Variants in NT5C1B observed in about 807,000 individuals in gnomAD.
The protein encoded by NT5C1B is cytosolic 5'-nucleotidase 1B.
NT5C1B carries 44 observed loss-of-function variants against 57.8 expected under a neutral mutation model. That is an observed-to-expected ratio of 0.76 (90% CI 0.60 to 0.98). The LOEUF (loss-of-function observed/expected upper bound fraction) is 0.98. Ranked by LOEUF, NT5C1B falls within the 50% of genes least tolerant of loss-of-function variation. The probability of loss-of-function intolerance (pLI) is 0.00; values close to 1 mark genes in which losing one functional copy is unlikely to be tolerated. For missense variants in NT5C1B, 742 were observed against 719.5 expected, an observed-to-expected ratio of 1.03 and a Z score of -0.36; for synonymous variants, 284 against 282.6, an observed-to-expected ratio of 1.00 and a Z score of -0.05.
At chr2:18,572,249 G>C (rs1449158802) in intron 8 of NT5C1B, among the ~76,000 whole-genome samples, 1 of 152,046 alleles carries the variant, frequency 6.6e-6, no homozygotes, top group Non-Finnish European at 1.5e-5. Flanking sequence ...GGATAAGGAG[G>C]AAAAATGAAC....
chr2:18,571,728 A>ATATATATATATG (rs1665194034), intron 8 of NT5C1B, among the ~76,000 whole-genome samples: 5 of 22,080 alleles, frequency 2.3e-4, no homozygotes, highest in African/African-American at 1.1e-3. Context: ...GTATATATAT[A>ATATATATATATG]TATATATATA....
At chr2:18,586,665 G>A (rs1376458735) in intron 2 of NT5C1B, 4 of 582,196 alleles carry the variant, frequency 6.9e-6, no homozygotes, top group Non-Finnish European at 1.2e-5. Context: ...CTCCTCTTAT[G>A]TGGATATTAG....
intron 2 of NT5C1B, chr2:18,586,849 G>A: frequency 7.1e-7 from 1 of 1,417,008 alleles, no homozygotes. Flanking sequence ...AAGGAATGGA[G>A]CCCTCAAGCT....
intron 5 of NT5C1B, chr2:18,583,756 G>A: frequency 6.2e-6 from 3 of 484,800 alleles, no homozygotes; most frequent in South Asian, 4.9e-5. Flanking sequence ...CTGTAATATG[G>A]CGTTTTATTT....
At chr2:18,576,047 G>T in intron 8 of NT5C1B, 137 bp downstream of exon 8, 1 of 885,630 alleles carries the variant, frequency 1.1e-6, no homozygotes, top group Non-Finnish European at 1.6e-6. Context: ...AAGAGAGAAA[G>T]CTCCAAAGAT....
intron 8 of NT5C1B, among the ~76,000 whole-genome samples, chr2:18,567,902 A>G (rs1185085744): frequency 1.3e-5 from 2 of 152,196 alleles, no homozygotes; most frequent in East Asian, 1.9e-4. Flanking sequence ...TTTGGCAAAG[A>G]GATTGAAATG....
intron 6 of NT5C1B, among the ~76,000 whole-genome samples, chr2:18,579,123 G>C (rs1240434677): frequency 6.6e-6 from 1 of 151,550 alleles, no homozygotes; most frequent in Non-Finnish European, 1.5e-5. Context: ...AAAACACTGC[G>C]GAAAAAAAAT....
chr2:18,580,311 C>T (rs1483092571), intron 6 of NT5C1B, among the ~76,000 whole-genome samples: 1 of 152,132 alleles, frequency 6.6e-6, no homozygotes, highest in Non-Finnish European at 1.5e-5. Context: ...ATAAATTGTT[C>T]TACCATAAGA....
intron 8 of NT5C1B, among the ~76,000 whole-genome samples, chr2:18,571,130 G>A (rs1665113081): frequency 6.6e-6 from 1 of 152,162 alleles, no homozygotes. Context: ...TATGGCAAGG[G>A]TGTCCACCCT....
Position 18,587,597 on chromosome 2 carries a change from A to C in NT5C1B, c.31-5T>G. 1 of 1,607,718 alleles carries C rather than the reference A, an allele frequency of 6.2e-7. No homozygotes were observed. Among genetic ancestry groups the C allele is most frequent in the Non-Finnish European group, 8.5e-7 (1 of 1,178,962 alleles). On this transcript the variant is annotated splice_region_variant and splice_polypyrimidine_tract_variant and intron_variant, in intron 1 of 8. Transcript: ENST00000304081. ...GGACCTCATTCCAGGCTCATTCTTG[A>C]CAAGGAAACAAAGAATGTTTATTAA...
chr2:18,572,739 A>G (rs1665317716), intron 8 of NT5C1B, among the ~76,000 whole-genome samples: 1 of 152,214 alleles, frequency 6.6e-6, no homozygotes, highest in Non-Finnish European at 1.5e-5. Context: ...ACAATGAGAT[A>G]ATTTTTTTAT....
chr2:18,576,133 A>G, intron 8 of NT5C1B, 51 bp downstream of exon 8: 1 of 1,488,342 alleles, frequency 6.7e-7, no homozygotes, highest in East Asian at 2.5e-5. Context: ...ATATTTATAT[A>G]TTAGAAAATA....
At chr2:18,572,311 C>A (rs1665279271) in intron 8 of NT5C1B, among the ~76,000 whole-genome samples, 1 of 152,058 alleles carries the variant, frequency 6.6e-6, no homozygotes, top group Non-Finnish European at 1.5e-5. Flanking sequence ...AGATGATAAT[C>A]CTAAGTAAGA....
At chr2:18,582,319 T>C (rs1162414649) in intron 6 of NT5C1B, among the ~76,000 whole-genome samples, 2 of 152,222 alleles carry the variant, frequency 1.3e-5, no homozygotes, top group African/African-American at 4.8e-5. Context: ...ATAATTCAGG[T>C]AGTTCCATAA....
At position 18,584,706 on chromosome 2, in the gene NT5C1B, G is replaced by T; in HGVS notation, c.531C>A (p.Arg177=). 6.2e-7 allele frequency: 1 copy of T among 1,612,652 alleles called. No individual in the cohort carries two copies. The highest frequency in any genetic ancestry group is 1.3e-5 in the African/African-American group (1 of 75,004). The change falls in exon 4 of 9, where the codon CGC becomes CGA. Residue 177 remains arginine, a synonymous_variant. Coordinates refer to ENST00000304081, the Ensembl canonical transcript of NT5C1B. The surrounding 1 kb of genome is among the most constrained non-coding windows in gnomAD (Gnocchi z 5.8). ...AGGACTTCCACTCGGTGGGGGACGT[G>T]CGCGAATATTCCAGCGGCTGCGAGT...
chr2:18,587,218 CT>C, intron 2 of NT5C1B: 1 of 1,571,178 alleles, frequency 6.4e-7, no homozygotes, highest in Non-Finnish European at 8.6e-7. Flanking sequence ...GCCAGACCCC[CT>C]CCCCTCCCTG....
chr2:18,585,338 A>G (rs1241732807), intron 3 of NT5C1B, among the ~76,000 whole-genome samples: 1 of 152,200 alleles, frequency 6.6e-6, no homozygotes, highest in African/African-American at 2.4e-5. Context: ...AGAGGCCTGC[A>G]GGTAGGACAG....
At chr2:18,580,711 A>G (rs1666110900) in intron 6 of NT5C1B, among the ~76,000 whole-genome samples, 2 of 152,264 alleles carry the variant, frequency 1.3e-5, no homozygotes, top group South Asian at 4.1e-4. Flanking sequence ...CATTGATGAT[A>G]GACTGGATAA....
intron 6 of NT5C1B, 74 bp from the exon 7 acceptor site, chr2:18,576,969 C>T (rs568883352): frequency 5.1e-5 from 81 of 1,593,596 alleles, no homozygotes; most frequent in Non-Finnish European, 6.6e-5. Context: ...GTAAAAGTTA[C>T]CTTAGAGATA....
Sources: gnomAD v4.1 joint callset for allele counts (sites outside exome capture counted in the v4.1 genomes callset) on GRCh38, gnomAD v4.1.1 for gene constraint, Gnocchi (gnomAD v3.1) non-coding constraint, MANE v1.5 for transcripts, NCBI Gene and HGNC (gene_info 2026-07-23, HGNC 2026-07-21) for gene names.